The following BCKDHB variants were observed in gnomAD, a reference collection of about 807,000 sequenced individuals.
BCKDHB encodes the protein branched chain keto acid dehydrogenase E1 subunit beta.
BCKDHB carries 41 observed loss-of-function variants against 48.5 expected under a neutral mutation model. That is an observed-to-expected ratio of 0.85 (90% CI 0.66 to 1.10). BCKDHB has a LOEUF of 1.10. Ranked by LOEUF, BCKDHB falls within the 50% of genes least tolerant of loss-of-function variation. BCKDHB has a pLI of 0.00. For synonymous variants in BCKDHB, 201 were observed against 174.8 expected (o/e 1.15, Z -1.18); for missense variants, 496 against 494.2 (o/e 1.00, Z -0.03).
chr6:80,330,012 G>A (rs2128008220), intron 9 of BCKDHB, among the ~76,000 whole-genome samples: 1 of 152,214 alleles, frequency 6.6e-6, no homozygotes, highest in African/African-American at 2.4e-5. Flanking sequence ...TCGTGGAGAA[G>A]GGCATTTGAG....
chr6:80,107,337 T>C (rs959768597), intron 1 of BCKDHB, among the ~76,000 whole-genome samples: 13 of 146,114 alleles, frequency 8.9e-5, no homozygotes, highest in African/African-American at 3.2e-4. Context: ...ATATTATATA[T>C]ATTATATATA....
chr6:80,235,512 A>G (rs756794073), intron 8 of BCKDHB, among the ~76,000 whole-genome samples: 4 of 152,204 alleles, frequency 2.6e-5, no homozygotes, highest in African/African-American at 7.2e-5. Context: ...AATATCTTCT[A>G]CAAAGTAGAA....
chr6:80,222,845 A>G (rs1775521630), intron 8 of BCKDHB, among the ~76,000 whole-genome samples: 1 of 152,198 alleles, frequency 6.6e-6, no homozygotes, highest in South Asian at 2.1e-4. Context: ...ACATACATTT[A>G]GTCTATAAGA....
intron 5 of BCKDHB, chr6:80,169,988 C>T: frequency 8.1e-7 from 1 of 1,233,840 alleles, no homozygotes. Context: ...CAGATCTTTT[C>T]TGTCTGTCCC....
chr6:80,113,810 G>A lies in BCKDHB; in HGVS notation c.196+6921G>A, dbSNP rs1294158850. On this transcript the variant is annotated intron_variant, in intron 1 of 9. Coordinates refer to ENST00000320393, the MANE Select transcript of BCKDHB (RefSeq NM_183050.4). Reference sequence around the variant, plus strand: ...CGGCTGGAGCAAGTGGCTGAAGATTGCAGGTTACAGAATTGTCTGGGGTTG... The same window carrying A: ...CGGCTGGAGCAAGTGGCTGAAGATTACAGGTTACAGAATTGTCTGGGGTTG... Among the ~76,000 whole-genome samples, 5 of 152,220 alleles carry A rather than the reference G, an allele frequency of 3.3e-5. 1 individual carries two copies. The South Asian group carries it at 1.0e-3, about 31-fold the overall frequency.
chr6:80,296,325 A>G (rs1166244729), intron 9 of BCKDHB, among the ~76,000 whole-genome samples: 2 of 152,166 alleles, frequency 1.3e-5, no homozygotes, highest in African/African-American at 2.4e-5. Flanking sequence ...CAAAAACACA[A>G]TTGACAAGGA....
chr6:80,433,981 C>T, the BCKDHB span, among the ~76,000 whole-genome samples: 1 of 152,132 alleles, frequency 6.6e-6, no homozygotes, highest in African/African-American at 2.4e-5. Flanking sequence ...TGGACAAATG[C>T]TTGACCACTT....
At chr6:80,269,413 T>G (rs1050952150) in intron 8 of BCKDHB, among the ~76,000 whole-genome samples, 3 of 152,134 alleles carry the variant, frequency 2.0e-5, no homozygotes, top group Non-Finnish European at 4.4e-5. Context: ...TTGACAAATC[T>G]TTTAGAACAA....
chr6:80,432,176 G>T, the BCKDHB span, among the ~76,000 whole-genome samples: 1 of 151,844 alleles, frequency 6.6e-6, no homozygotes, highest in East Asian at 1.9e-4. Flanking sequence ...GTGTCTTGGG[G>T]TTGCTCTTCT....
At chr6:80,414,051 T>C in the BCKDHB span, among the ~76,000 whole-genome samples, 1 of 152,190 alleles carries the variant, frequency 6.6e-6, no homozygotes, top group Non-Finnish European at 1.5e-5. Flanking sequence ...TAATAATCAG[T>C]GATGTTGAGT....
intron 8 of BCKDHB, among the ~76,000 whole-genome samples, chr6:80,269,062 G>A (rs1048406164): frequency 7.2e-5 from 11 of 152,060 alleles, no homozygotes; most frequent in African/African-American, 2.7e-4. Context: ...TGTTTTAATG[G>A]AGTTTTTATC....
intron 1 of BCKDHB, among the ~76,000 whole-genome samples, chr6:80,125,930 A>T (rs557052184): frequency 1.8e-4 from 27 of 152,334 alleles, no homozygotes; most frequent in South Asian, 4.1e-4. Flanking sequence ...GGGTTGCTAC[A>T]AAGTTTCCAT....
intron 9 of BCKDHB, among the ~76,000 whole-genome samples, chr6:80,323,833 C>T (rs1393095044): frequency 2.0e-5 from 3 of 152,164 alleles, no homozygotes; most frequent in Non-Finnish European, 4.4e-5. Context: ...CGTGCAGTGG[C>T]GCCATCTTGG....
chr6:80,210,545 G>A (rs1562139838), intron 8 of BCKDHB, among the ~76,000 whole-genome samples: 1 of 152,088 alleles, frequency 6.6e-6, no homozygotes, highest in South Asian at 2.1e-4. Context: ...CACTCATTTG[G>A]TGCACCTTTT....
intron 8 of BCKDHB, among the ~76,000 whole-genome samples, chr6:80,211,999 A>G (rs539690546): frequency 0.036 from 5,441 of 152,226 alleles, 307 homozygotes; most frequent in African/African-American, 0.12. Context: ...TCTAACAAAG[A>G]GCACATGCTT....
the BCKDHB span, among the ~76,000 whole-genome samples, chr6:80,381,479 AG>A: frequency 2.0e-5 from 3 of 152,198 alleles, no homozygotes; most frequent in Admixed American, 2.0e-4. Flanking sequence ...ACAGTGACAC[AG>A]TTTTTGTTTT....
At chr6:80,350,958 A>G (rs9443748), downstream of BCKDHB, among the ~76,000 whole-genome samples, 459 of 152,306 alleles carry the variant, frequency 3.0e-3, 4 homozygotes, top group African/African-American at 0.01. Flanking sequence ...AAGGCTCTCA[A>G]TATGTTGCTG....
At chr6:80,424,841 T>C in the BCKDHB span, among the ~76,000 whole-genome samples, 3 of 152,146 alleles carry the variant, frequency 2.0e-5, no homozygotes, top group Non-Finnish European at 4.4e-5. Flanking sequence ...CTTTCAGGAG[T>C]TAATGGTGCC....
chr6:80,354,677 T>C, the BCKDHB span, among the ~76,000 whole-genome samples: 1 of 152,226 alleles, frequency 6.6e-6, no homozygotes, highest in African/African-American at 2.4e-5. Flanking sequence ...TCATCTTGAG[T>C]TGATTTTTGT....
Sources: allele counts gnomAD v4.1 joint callset (sites outside exome capture counted in the v4.1 genomes callset), GRCh38; gene constraint gnomAD v4.1.1; transcripts MANE v1.5; gene names NCBI Gene and HGNC (gene_info 2026-07-23, HGNC 2026-07-21).